NWD1: variants seen among roughly 807,000 people sequenced by gnomAD.
NWD1 encodes NACHT and WD repeat domain containing 1.
In NWD1, 129 loss-of-function variants were observed where a neutral mutation model predicts 135.1. That is an observed-to-expected ratio of 0.96 (90% CI 0.83 to 1.11). The LOEUF (loss-of-function observed/expected upper bound fraction) is 1.11, where lower values mean the gene tolerates loss of function less well. NWD1 is among the 50% of genes least tolerant of loss of function. The probability of loss-of-function intolerance (pLI) is 0.00; values close to 1 mark genes in which losing one functional copy is unlikely to be tolerated. For missense variants in NWD1, 1,740 were observed against 1,851.3 expected (o/e 0.94, Z 1.10); for synonymous variants, 773 against 786.0 (o/e 0.98, Z 0.28).
At chr19:16,728,281 C>CTTT (rs397859118) in intron 2 of NWD1, among the ~76,000 whole-genome samples, 20 of 119,884 alleles carry the variant, frequency 1.7e-4, no homozygotes, top group South Asian at 5.6e-4. Flanking sequence ...GGTCACTGCT[C>CTTT]TTTTTTTTTT....
chr19:16,807,216 G>A (rs550088950), intron 17 of NWD1, among the ~76,000 whole-genome samples: 123 of 151,386 alleles, frequency 8.1e-4, no homozygotes, highest in Non-Finnish European at 1.6e-3. Context: ...ACACCAGGCC[G>A]GGTGTGGTGG....
intron 17 of NWD1, among the ~76,000 whole-genome samples, chr19:16,807,020 A>G (rs1970766087): frequency 6.6e-6 from 1 of 151,934 alleles, no homozygotes; most frequent in Non-Finnish European, 1.5e-5. Context: ...CTGTCTAAAA[A>G]AAACAAAAAA....
intron 2 of NWD1, 58 bp from the exon 3 acceptor site, chr19:16,731,134 G>A: frequency 1.2e-6 from 1 of 844,184 alleles, no homozygotes; most frequent in East Asian, 2.8e-5. Context: ...GCAGAGCTAT[G>A]AGGCTGGGAA....
At chr19:16,763,348 A>C (rs781338802) in intron 8 of NWD1, among the ~76,000 whole-genome samples, 6 of 152,010 alleles carry the variant, frequency 3.9e-5, no homozygotes, top group Non-Finnish European at 7.4e-5. Flanking sequence ...AGCCTGACCT[A>C]CCCAGCCTGA....
Position 16,749,144 on chromosome 19 carries a change from G to T in NWD1, c.502G>T (p.Glu168Ter), listed in dbSNP as rs1244039698. 1 of 1,591,290 alleles carries T rather than the reference G, an allele frequency of 6.3e-7. No homozygotes were observed. The highest frequency in any genetic ancestry group is 8.6e-7 in the Non-Finnish European group (1 of 1,166,338). Residue 168 changes from glutamate (E) to a stop codon, truncating the protein, a stop_gained, in exon 6 of 19, where the codon GAG becomes TAG. Transcript: ENST00000524140. LOFTEE classifies it high-confidence loss of function. ...QWQHYHRSVI[E>*]WEIERSLLSS... is the part of the protein sequence containing the mutation. ...CACCTTCCCCACTTTGGCAGTCATT[G>T]AGTGGGAGATAGAGCGGAGCCTGCT...
chr19:16,782,386 A>T (rs902023036), intron 12 of NWD1, among the ~76,000 whole-genome samples: 3 of 151,174 alleles, frequency 2.0e-5, no homozygotes, highest in Non-Finnish European at 4.4e-5. Flanking sequence ...GGATTGCTTG[A>T]GTCCAGGAGT....
Position 16,797,874 on chromosome 19 carries a change from T to G in NWD1, c.3447T>G (p.Asp1149Glu), listed in dbSNP as rs1357564656. 1 of 1,613,936 alleles carries G rather than the reference T, an allele frequency of 6.2e-7. No homozygotes were observed. Among genetic ancestry groups the G allele is most frequent in the Non-Finnish European group, 8.5e-7 (1 of 1,179,866 alleles). ...ACCTGATCATCACGGGGTCCCTTGA[T>G]GCGCTCATTCAGGTGAGGGGAGATC... is the stretch of plus-strand genomic sequence containing the variant. ...ENNLIITGSL[D>E]ALIQVWSLSE... Residue 1149 changes from aspartate to glutamate, a missense_variant, in exon 16 of 19, where the codon GAT (aspartate) becomes GAG (glutamate). Physicochemically the swap from Asp to Glu is conservative, Grantham distance 45. Coordinates refer to ENST00000524140, the MANE Select transcript of NWD1 (RefSeq NM_001007525.5).
At chr19:16,741,368 G>GTTGTT (rs1050266542) in intron 4 of NWD1, among the ~76,000 whole-genome samples, 2 of 125,020 alleles carry the variant, frequency 1.6e-5, no homozygotes, top group Non-Finnish European at 3.4e-5. Flanking sequence ...TTGTTTTTGT[G>GTTGTT]TTTTTTTTTT....
chr19:16,758,833 C>T (rs1177558376), intron 6 of NWD1, among the ~76,000 whole-genome samples: 4 of 151,806 alleles, frequency 2.6e-5, no homozygotes, highest in Non-Finnish European at 5.9e-5. Context: ...CATGGTGAAA[C>T]CCCGTCTCTA....
chr19:16,804,735 T>C (rs1970702356), intron 17 of NWD1, among the ~76,000 whole-genome samples: 1 of 152,040 alleles, frequency 6.6e-6, no homozygotes, highest in Admixed American at 6.6e-5. Context: ...ATCTGGTGAG[T>C]GTCCTCTTTC....
Position 16,787,991 on chromosome 19 carries a change from G to A in NWD1, c.2732-991G>A, listed in dbSNP as rs1219482295. 2.7e-5 allele frequency among the ~76,000 whole-genome samples: 4 copies of A among 148,562 alleles called. No homozygotes were observed. The South Asian group carries it at 6.3e-4, about 24-fold the overall frequency. On this transcript the variant is annotated intron_variant, in intron 12 of 18. Transcript: ENST00000524140. ...TGCCTGTAATCCCAGCACTGTGGGA[G>A]GCCGAGGTGGGTAGATCACCTGAGG...
chr19:16,742,231 C>A (rs1486841674), intron 4 of NWD1, among the ~76,000 whole-genome samples: 1 of 151,868 alleles, frequency 6.6e-6, no homozygotes, highest in Non-Finnish European at 1.5e-5. Flanking sequence ...AAAAATTAGC[C>A]AGGCGTGGTG....
intron 9 of NWD1, among the ~76,000 whole-genome samples, chr19:16,764,264 A>G (rs546566758): frequency 1.3e-5 from 2 of 151,650 alleles, no homozygotes; most frequent in African/African-American, 4.8e-5. Context: ...TAGAGTGAAA[A>G]CCCCTGCCTT....
intron 11 of NWD1, among the ~76,000 whole-genome samples, chr19:16,776,474 A>G (rs1969602651): frequency 6.6e-6 from 1 of 151,914 alleles, no homozygotes; most frequent in East Asian, 1.9e-4. Context: ...AGGCTGAGGC[A>G]GGAGAATTGC....
At chr19:16,807,531 G>A (rs757450072) in intron 17 of NWD1, 55 bp from the exon 18 acceptor site, 57 of 1,401,672 alleles carry the variant, frequency 4.1e-5, no homozygotes, top group Admixed American at 6.9e-5. Context: ...CAGGGAAGCA[G>A]GGCTGCTGTG....
In NWD1 at chr19:16,811,571, C is replaced by T. The variant is rs539928453; in HGVS notation, c.4287+3435C>T. 8.5e-5 allele frequency among the ~76,000 whole-genome samples: 11 copies of T among 128,994 alleles called. 1 individual carries two copies. The highest frequency in any genetic ancestry group is 6.7e-4 in the East Asian group (3 of 4,472). The allele number at this position is 128,994 out of a possible 152,430, so 84.6% of individuals were successfully genotyped here. A position where few individuals can be genotyped will look rare whatever the true frequency, so the allele number is the denominator to read the frequency against. On this transcript the variant is annotated intron_variant, in intron 18 of 18. Coordinates refer to ENST00000524140, the MANE Select transcript of NWD1 (RefSeq NM_001007525.5). ...TGCACTTCAGCCAGGGCAACAAGAG[C>T]GAGACTCTGTCTCAGAAAAAAAAAA...
rs994813397 is a variant in NWD1 at position 16,755,455 on chromosome 19, C to G, written c.1770-3770C>G. On this transcript the variant is annotated intron_variant, in intron 6 of 18. Coordinates refer to ENST00000524140, the MANE Select transcript of NWD1 (RefSeq NM_001007525.5). ...TTAGCCTGGAATGCAGTGGTGCAAT[C>G]TCAGCTCACTGCAACCTCCGCCTCC... Among the ~76,000 whole-genome samples the G allele has an allele frequency of 3.9e-5, 6 of 152,238 alleles. No individual in the cohort carries two copies. The East Asian group carries it at 7.7e-4, about 20-fold the overall frequency.
chr19:16,785,888 A>ATC (rs1253497822), intron 12 of NWD1, among the ~76,000 whole-genome samples: 2 of 151,462 alleles, frequency 1.3e-5, no homozygotes, highest in Non-Finnish European at 2.9e-5. Flanking sequence ...TTTTTGAGAT[A>ATC]GAGTCCCACT....
chr19:16,804,639 A>G (rs1970699330), intron 17 of NWD1, among the ~76,000 whole-genome samples: 2 of 151,170 alleles, frequency 1.3e-5, no homozygotes, highest in Admixed American at 6.6e-5. Context: ...TGTTTATCAT[A>G]TTTCTGGAGG....
Sources: gnomAD v4.1 joint callset for allele counts (sites outside exome capture counted in the v4.1 genomes callset) on GRCh38, gnomAD v4.1.1 for gene constraint, MANE v1.5 for transcripts, NCBI Gene and HGNC (gene_info 2026-07-23, HGNC 2026-07-21) for gene names.